Variants in NDST4 observed in about 807,000 individuals in gnomAD.
NDST4 encodes the protein N-deacetylase and N-sulfotransferase 4.
Under a neutral mutation model 100.8 loss-of-function variants are expected in NDST4, and 63 were observed. The observed-to-expected ratio is 0.62, with a 90% confidence interval of 0.51 to 0.77. The LOEUF (loss-of-function observed/expected upper bound fraction) is 0.77, where lower values mean the gene tolerates loss of function less well. Among genes scored for constraint, NDST4 ranks in the 30% least tolerant of loss-of-function variants. The pLI is 0.00. For missense variants in NDST4, 943 were observed against 1,018.4 expected, an observed-to-expected ratio of 0.93 and a Z score of 1.01; for synonymous variants, 377 against 361.8, an observed-to-expected ratio of 1.04 and a Z score of -0.48.
intron 6 of NDST4, among the ~76,000 whole-genome samples, chr4:114,910,315 T>C (rs1051868884): frequency 6.6e-6 from 1 of 152,148 alleles, no homozygotes; most frequent in Non-Finnish European, 1.5e-5. Context: ...TTTCTCAGAA[T>C]TACCATTTCA....
In NDST4 at chr4:115,076,175, T is replaced by C; in HGVS notation, c.862A>G (p.Ile288Val). 2 of 1,613,986 alleles carry C rather than the reference T, an allele frequency of 1.2e-6. No individual in the cohort carries two copies. The highest frequency in any genetic ancestry group is 1.7e-6 in the Non-Finnish European group (2 of 1,179,940). Residue 288 changes from isoleucine to valine, a missense_variant, in exon 2 of 14, where the codon ATC (isoleucine) becomes GTC (valine). Physicochemically the swap from Ile to Val is conservative, Grantham distance 29 (BLOSUM62 3). Coordinates refer to ENST00000264363, the MANE Select transcript of NDST4 (RefSeq NM_022569.3). The stretch of plus-strand genomic sequence containing the variant: ...AGCCTCTTCCCTGACAAGAAGGAGA[T>C]GGCATCTATGAAGATGAGCTTGTGC... ...WLHKLIFIDA[I>V]SFLSGKRLTL...
chr4:114,912,485 G>A (rs543866487), intron 6 of NDST4, among the ~76,000 whole-genome samples: 53 of 152,202 alleles, frequency 3.5e-4, no homozygotes, highest in Admixed American at 1.6e-3. Flanking sequence ...GCTTTCTGAC[G>A]TACTTGTAGT....
In NDST4 at chr4:114,924,475, G is replaced by A. The variant is rs80283511; in HGVS notation, c.1536+10731C>T. 8.9e-3 allele frequency among the ~76,000 whole-genome samples: 1,342 copies of A among 151,058 alleles called. 21 individuals are homozygous for A. The highest frequency in any genetic ancestry group is 0.031 in the African/African-American group (1,290 of 41,240). On this transcript the variant is annotated intron_variant, in intron 6 of 13. Transcript: ENST00000264363. ...ATAAAGGAAAAAAAAAAAGGTGACT[G>A]TAGGTCTTTCAGTGAGTGGAAATAG...
intron 1 of NDST4, among the ~76,000 whole-genome samples, chr4:115,100,947 G>A (rs1729718394): frequency 6.6e-6 from 1 of 151,798 alleles, no homozygotes; most frequent in Non-Finnish European, 1.5e-5. Context: ...GTTTGTTAAA[G>A]AGACAAGGTC....
intron 4 of NDST4, among the ~76,000 whole-genome samples, chr4:114,955,703 A>T (rs1236029636): frequency 6.6e-6 from 1 of 152,244 alleles, no homozygotes; most frequent in African/African-American, 2.4e-5. Context: ...AACATTAAAA[A>T]TATCTGGAAA....
intron 8 of NDST4, among the ~76,000 whole-genome samples, chr4:114,851,027 T>C (rs1002180308): frequency 1.3e-5 from 2 of 152,152 alleles, no homozygotes; most frequent in Admixed American, 6.6e-5. Context: ...AATGGCAAAG[T>C]GAAATATCAC....
In NDST4 at chr4:114,985,242, T is replaced by C. The variant is rs1177578209; in HGVS notation, c.979-7968A>G. ...TGACATTTCAGAGCAATTTTTCCTT[T>C]CCTCTTTTCACCCACCAGTTAAGTA... On this transcript the variant is annotated intron_variant, in intron 2 of 13. Transcript: ENST00000264363. Among the ~76,000 whole-genome samples the C allele has an allele frequency of 2.6e-5, 4 of 152,140 alleles. 1 individual carries two copies. The highest frequency in any genetic ancestry group is 3.9e-4 in the East Asian group (2 of 5,168).
chr4:114,890,771 C>T (rs184124071), intron 6 of NDST4, among the ~76,000 whole-genome samples: 3 of 152,186 alleles, frequency 2.0e-5, no homozygotes, highest in Non-Finnish European at 4.4e-5. Context: ...TATTAATTAA[C>T]CATTCCCTGC....
Position 115,076,738 on chromosome 4 carries a change from T to C in NDST4, c.299A>G (p.Glu100Gly). ...CATGTGGTACTGAAATCGGCTGGAC[T>C]CCAAAATAGCTATGATATCTTGACC... is the stretch of plus-strand genomic sequence containing the variant. ...QLGQDIIAIL[E>G]SSRFQYHMVI... Residue 100 changes from glutamate to glycine, a missense_variant, in exon 2 of 14, where the codon GAG becomes GGG. Coordinates refer to ENST00000264363, the MANE Select transcript of NDST4 (RefSeq NM_022569.3). The C allele has an allele frequency of 6.2e-7, 1 of 1,613,974 alleles. No individual in the cohort carries two copies. Among genetic ancestry groups the C allele is most frequent in the Admixed American group, 1.7e-5 (1 of 60,002 alleles).
At chr4:115,111,503 A>T (rs971335542) in intron 1 of NDST4, among the ~76,000 whole-genome samples, 1 of 151,686 alleles carries the variant, frequency 6.6e-6, no homozygotes, top group Non-Finnish European at 1.5e-5. Context: ...TATATTTAAA[A>T]TTACACATTT....
intron 6 of NDST4, among the ~76,000 whole-genome samples, chr4:114,885,980 T>C (rs1347005997): frequency 6.6e-6 from 1 of 152,004 alleles, no homozygotes; most frequent in Non-Finnish European, 1.5e-5. Flanking sequence ...AAAATACAGG[T>C]ACACATTTCT....
chr4:115,059,445 T>C (rs1180115222), intron 2 of NDST4, among the ~76,000 whole-genome samples: 1 of 152,062 alleles, frequency 6.6e-6, no homozygotes, highest in Non-Finnish European at 1.5e-5. Context: ...TGTAATATTT[T>C]ACAAGGAGAA....
intron 6 of NDST4, among the ~76,000 whole-genome samples, chr4:114,891,545 A>AT (rs2126206385): frequency 6.6e-6 from 1 of 151,696 alleles, no homozygotes; most frequent in Admixed American, 6.6e-5. Context: ...CTACCCTACC[A>AT]TTTTTCTTGC....
At chr4:114,981,162 A>G (rs1726761578) in intron 2 of NDST4, among the ~76,000 whole-genome samples, 1 of 151,950 alleles carries the variant, frequency 6.6e-6, no homozygotes, top group Non-Finnish European at 1.5e-5. Context: ...TGAGAGTACA[A>G]TGAGCCATGT....
At chr4:114,853,534 T>C (rs1308208515) in intron 7 of NDST4, among the ~76,000 whole-genome samples, 1 of 152,182 alleles carries the variant, frequency 6.6e-6, no homozygotes, top group African/African-American at 2.4e-5. Context: ...CCAAAATCAT[T>C]ACACTTTTGA....
intron 4 of NDST4, among the ~76,000 whole-genome samples, chr4:114,955,597 A>C (rs973005402): frequency 6.6e-6 from 1 of 152,220 alleles, no homozygotes; most frequent in Non-Finnish European, 1.5e-5. Context: ...TAGTCAAGAA[A>C]GAATAGTAGG....
intron 2 of NDST4, among the ~76,000 whole-genome samples, chr4:115,009,446 A>G (rs1727493732): frequency 7.8e-6 from 1 of 127,560 alleles, no homozygotes; most frequent in African/African-American, 3.0e-5. Flanking sequence ...AGGATTCCCT[A>G]TTTAACAAAT....
At chr4:114,862,877 T>G (rs775128308) in intron 7 of NDST4, among the ~76,000 whole-genome samples, 8 of 152,144 alleles carry the variant, frequency 5.3e-5, no homozygotes, top group Non-Finnish European at 1.0e-4. Context: ...TACTAACAAC[T>G]TAATTTACAT....
intron 6 of NDST4, among the ~76,000 whole-genome samples, chr4:114,916,392 A>G (rs1725168326): frequency 1.3e-5 from 2 of 151,904 alleles, no homozygotes; most frequent in Admixed American, 6.6e-5. Flanking sequence ...TTTATTATAC[A>G]TTCTTTCTAT....
Sources: gnomAD v4.1 joint callset for allele counts (sites outside exome capture counted in the v4.1 genomes callset) on GRCh38, gnomAD v4.1.1 for gene constraint, MANE v1.5 for transcripts, NCBI Gene and HGNC (gene_info 2026-07-23, HGNC 2026-07-21) for gene names.